Variants in RAP1GAP2 observed in about 807,000 individuals in gnomAD.
The protein encoded by RAP1GAP2 is rap1 GTPase-activating protein 2.
In RAP1GAP2, 27 loss-of-function variants were observed where a neutral mutation model predicts 95.0. The observed-to-expected ratio is 0.28, with a 90% CI of 0.21 to 0.39. The LOEUF (loss-of-function observed/expected upper bound fraction) is 0.39, where lower values mean the gene tolerates loss of function less well. Among genes scored for constraint, RAP1GAP2 ranks in the 10% least tolerant of loss-of-function variants. The probability of loss-of-function intolerance (pLI) is 1.00; values close to 1 mark genes in which losing one functional copy is unlikely to be tolerated. For missense variants in RAP1GAP2, 771 were observed against 970.0 expected (o/e 0.79, Z 2.72); for synonymous variants, 373 against 380.9 (o/e 0.98, Z 0.24).
chr17:3,014,073 A>G (rs938650061), intron 17 of RAP1GAP2, among the ~76,000 whole-genome samples: 6 of 151,338 alleles, frequency 4.0e-5, no homozygotes, highest in African/African-American at 1.5e-4. Flanking sequence ...TCGGCTATAG[A>G]GCCCGTGGCT....
At chr17:2,979,862 G>A (rs79024891) in intron 8 of RAP1GAP2, among the ~76,000 whole-genome samples, 11,250 of 152,124 alleles carry the variant, frequency 0.074, 1,233 homozygotes, top group African/African-American at 0.24. Context: ...ACCTGAGGCC[G>A]ATCTGGCCTC....
At chr17:2,916,870 AT>A (rs1157217284) in intron 3 of RAP1GAP2, among the ~76,000 whole-genome samples, 1 of 152,090 alleles carries the variant, frequency 6.6e-6, no homozygotes, top group Non-Finnish European at 1.5e-5. Flanking sequence ...CTTCTTATGT[AT>A]CTTCGGGCCC....
intron 2 of RAP1GAP2, among the ~76,000 whole-genome samples, chr17:2,844,106 T>C (rs959146898): frequency 6.6e-6 from 1 of 151,944 alleles, no homozygotes. Flanking sequence ...CTGCAAGCTC[T>C]GCCTCCTGGG....
intron 2 of RAP1GAP2, among the ~76,000 whole-genome samples, chr17:2,831,943 C>T (rs1012171720): frequency 2.6e-5 from 4 of 151,506 alleles, no homozygotes; most frequent in Admixed American, 6.6e-5. Context: ...TGGTGGCTCA[C>T]GCTTTTAATC....
intron 17 of RAP1GAP2, among the ~76,000 whole-genome samples, chr17:3,017,489 C>G (rs1272721571): frequency 1.3e-5 from 2 of 152,194 alleles, no homozygotes; most frequent in African/African-American, 4.8e-5. Context: ...CACACTTGCA[C>G]CCATGGCCAG....
intron 2 of RAP1GAP2, among the ~76,000 whole-genome samples, chr17:2,847,470 C>G (rs956165011): frequency 1.3e-5 from 2 of 152,052 alleles, no homozygotes; most frequent in Non-Finnish European, 2.9e-5. Flanking sequence ...TCGTCATCTC[C>G]CAGAGAAGCC....
At chr17:2,910,081 A>G (rs2042322472) in intron 3 of RAP1GAP2, among the ~76,000 whole-genome samples, 1 of 152,216 alleles carries the variant, frequency 6.6e-6, no homozygotes, top group African/African-American at 2.4e-5. Context: ...GTCCCATCAC[A>G]AAAGTGATGA....
chr17:2,976,243 A>T (rs548289569), intron 8 of RAP1GAP2, among the ~76,000 whole-genome samples: 2 of 152,358 alleles, frequency 1.3e-5, no homozygotes, highest in Non-Finnish European at 2.9e-5. Context: ...ATCTTGGCTA[A>T]CATGTATTCT....
intron 2 of RAP1GAP2, among the ~76,000 whole-genome samples, chr17:2,832,350 A>T (rs951191975): frequency 1.3e-5 from 2 of 151,098 alleles, no homozygotes; most frequent in Admixed American, 1.3e-4. Context: ...CGAGGTCAGG[A>T]GATCGAGATC....
chr17:2,881,321 T>C (rs1320024466), intron 2 of RAP1GAP2, among the ~76,000 whole-genome samples: 2 of 152,084 alleles, frequency 1.3e-5, no homozygotes, highest in Non-Finnish European at 2.9e-5. Flanking sequence ...ATGTTGGCAC[T>C]GAAAAAGTTT....
chr17:2,971,062 CATCA>C (rs2044847297), intron 8 of RAP1GAP2, among the ~76,000 whole-genome samples: 1 of 152,096 alleles, frequency 6.6e-6, no homozygotes, highest in Non-Finnish European at 1.5e-5. Flanking sequence ...TCAATCAATC[CATCA>C]ATCAGTCGAC....
intron 2 of RAP1GAP2, among the ~76,000 whole-genome samples, chr17:2,876,024 G>A (rs927146102): frequency 6.0e-5 from 9 of 150,684 alleles, no homozygotes; most frequent in Admixed American, 1.3e-4. Flanking sequence ...CACAATCTCC[G>A]CCCCCCGGGT....
chr17:2,938,370 C>T lies in RAP1GAP2; in HGVS notation c.166-19389C>T, dbSNP rs1005736910. On this transcript the variant is annotated intron_variant, in intron 3 of 24. Coordinates refer to ENST00000254695, the MANE Select transcript of RAP1GAP2 (RefSeq NM_015085.5). ...TTTAAAAAATTCATTCCTTTCCTTC[C>T]AAGCTGGGGACCTTGCTTTCCTCTC... Among the ~76,000 whole-genome samples, 5 of 152,172 alleles carry T rather than the reference C, an allele frequency of 3.3e-5. No individual in the cohort carries two copies. In the East Asian group the frequency reaches 9.7e-4, roughly 30 times the overall value.
rs1354706087 is a variant in RAP1GAP2 at position 2,963,026 on chromosome 17, C to T, written c.246+312C>T. On this transcript the variant is annotated intron_variant, in intron 5 of 24. Transcript: ENST00000254695. This position sits in a 1 kb window ranked among gnomAD's most constrained non-coding sequence, Gnocchi z 4.8. The stretch of plus-strand genomic sequence containing the variant: ...TGTGTAAGGGTGTCAGGCTCTGTGC[C>T]CCGGGTTCCAGTGGGCAGTCAGCTC... 5.1e-5 allele frequency: 27 copies of T among 524,328 alleles called. No homozygotes were observed. In the South Asian group the frequency reaches 5.9e-4, roughly 12 times the overall value. 32.5% of individuals were successfully genotyped at this position (524,328 alleles called of 1,614,324 possible). A position where few individuals can be genotyped will look rare whatever the true frequency, so the allele number is the denominator to read the frequency against.
At chr17:2,769,288 G>T (rs938178647) in intron 1 of RAP1GAP2, among the ~76,000 whole-genome samples, 15 of 135,642 alleles carry the variant, frequency 1.1e-4, no homozygotes, top group Non-Finnish European at 2.1e-4. Context: ...GGGTGCGGTG[G>T]CTCACGCCTG....
intron 17 of RAP1GAP2, among the ~76,000 whole-genome samples, chr17:3,016,521 C>A (rs1331286144): frequency 6.6e-6 from 1 of 152,268 alleles, no homozygotes; most frequent in Non-Finnish European, 1.5e-5. Flanking sequence ...GAGCACCCCA[C>A]AGGCTCTGGG....
At chr17:2,876,903 T>C (rs2073119973) in intron 2 of RAP1GAP2, among the ~76,000 whole-genome samples, 1 of 151,176 alleles carries the variant, frequency 6.6e-6, no homozygotes, top group African/African-American at 2.4e-5. Flanking sequence ...TTTTTTTTTT[T>C]TCTTGAGACG....
At chr17:2,890,659 T>G (rs1473263812) in intron 2 of RAP1GAP2, among the ~76,000 whole-genome samples, 1 of 151,708 alleles carries the variant, frequency 6.6e-6, no homozygotes, top group Non-Finnish European at 1.5e-5. Context: ...CACCAGTTTT[T>G]GGTCCAATTC....
rs2070641105 is a variant in RAP1GAP2, at chr17:2,827,824, T to A, written c.80+27274T>A. Among the ~76,000 whole-genome samples, 1 of 133,094 alleles carries A rather than the reference T, an allele frequency of 7.5e-6. No homozygotes were observed. Among genetic ancestry groups the A allele is most frequent in the African/African-American group, 3.0e-5 (1 of 33,210 alleles). 87.3% of individuals were successfully genotyped at this position (133,094 alleles called of 152,430 possible). On this transcript the variant is annotated intron_variant, in intron 2 of 24. Coordinates refer to ENST00000254695, the MANE Select transcript of RAP1GAP2 (RefSeq NM_015085.5). The surrounding 1 kb of genome is among the most constrained non-coding windows in gnomAD (Gnocchi z 4.1). ...AGCTTCCTATTAGAAAAAAAAAAAA[T>A]CCCCTTGAAAAACAAGGGGGAGGGT...
Sources: gnomAD v4.1 joint callset for allele counts (sites outside exome capture counted in the v4.1 genomes callset) on GRCh38, gnomAD v4.1.1 for gene constraint, Gnocchi (gnomAD v3.1) non-coding constraint, MANE v1.5 for transcripts, NCBI Gene and HGNC (gene_info 2026-07-23, HGNC 2026-07-21) for gene names.